Variants in PPM1L observed in about 807,000 individuals in gnomAD.
PPM1L encodes the protein protein phosphatase, Mg2+/Mn2+ dependent 1L.
Under a neutral mutation model 31.4 loss-of-function variants are expected in PPM1L, and 13 were observed. That is an observed-to-expected ratio of 0.41 (90% confidence interval 0.27 to 0.66). The LOEUF is 0.66. PPM1L is among the 30% of genes least tolerant of loss of function. The pLI is 0.29. For missense variants in PPM1L, 326 were observed against 453.7 expected, an observed-to-expected ratio of 0.72 and a Z score of 2.56; for synonymous variants, 184 against 175.4, an observed-to-expected ratio of 1.05 and a Z score of -0.39.
intron 2 of PPM1L, among the ~76,000 whole-genome samples, chr3:160,997,787 T>C (rs1490445837): frequency 6.6e-6 from 1 of 152,168 alleles, no homozygotes; most frequent in Non-Finnish European, 1.5e-5. Context: ...GCACATATAG[T>C]CTGCAGTTTT....
At chr3:160,885,450 A>G (rs1439219020) in intron 1 of PPM1L, among the ~76,000 whole-genome samples, 1 of 152,206 alleles carries the variant, frequency 6.6e-6, no homozygotes, top group Admixed American at 6.5e-5. Context: ...AACTACAAAC[A>G]GTGGTGATTG....
chr3:161,046,565 A>G (rs1388385921), intron 2 of PPM1L, among the ~76,000 whole-genome samples: 3 of 152,096 alleles, frequency 2.0e-5, no homozygotes, highest in South Asian at 2.1e-4. Flanking sequence ...TAGAAAAAGA[A>G]GGAATCCTCC....
At chr3:160,834,459 TTGTGTATGTGTA>T (rs1294367669) in intron 1 of PPM1L, among the ~76,000 whole-genome samples, 2 of 141,780 alleles carry the variant, frequency 1.4e-5, no homozygotes, top group Admixed American at 7.1e-5. Context: ...TTACATGCAT[TTGTGTATGTGTA>T]TGTGTGTGTG....
In PPM1L at chr3:161,062,592, G is replaced by A. The variant is rs189383255; in HGVS notation, c.575-2811G>A. 3.9e-5 allele frequency among the ~76,000 whole-genome samples: 6 copies of A among 152,222 alleles called. No individual in the cohort carries two copies. The East Asian group carries it at 9.6e-4, about 24-fold the overall frequency. On this transcript the variant is annotated intron_variant, in intron 2 of 3. Coordinates refer to ENST00000498165, the MANE Select transcript of PPM1L (RefSeq NM_139245.4). Reference sequence around the variant, plus strand: ...TCTTTTAAAATATGAATCTCATTGTGTCACTATCCTGCTTAAAACCCTTCA... The same window carrying A: ...TCTTTTAAAATATGAATCTCATTGTATCACTATCCTGCTTAAAACCCTTCA...
intron 1 of PPM1L, among the ~76,000 whole-genome samples, chr3:160,906,465 G>A (rs769093679): frequency 1.3e-5 from 2 of 152,176 alleles, no homozygotes; most frequent in African/African-American, 2.4e-5. Context: ...AGCTGGGTGT[G>A]ATGGCACATG....
intron 1 of PPM1L, among the ~76,000 whole-genome samples, chr3:160,788,281 T>C (rs1398987796): frequency 6.6e-6 from 1 of 152,180 alleles, no homozygotes; most frequent in African/African-American, 2.4e-5. Flanking sequence ...GTGTCATCTC[T>C]GATTTCTTTC....
At chr3:160,977,120 A>G (rs6798966) in intron 2 of PPM1L, among the ~76,000 whole-genome samples, 129,051 of 152,196 alleles carry the variant, frequency 0.85, 54,952 homozygotes, top group Middle Eastern at 0.92. Flanking sequence ...TCTGTGAAAG[A>G]CACTGTTTTT....
chr3:160,824,874 T>G (rs1713309866), intron 1 of PPM1L, among the ~76,000 whole-genome samples: 1 of 152,180 alleles, frequency 6.6e-6, no homozygotes, highest in Non-Finnish European at 1.5e-5. Flanking sequence ...ATTTTTATAC[T>G]CTCTTTCCTG....
intron 1 of PPM1L, among the ~76,000 whole-genome samples, chr3:160,898,513 AC>A (rs746324157): frequency 6.6e-5 from 10 of 152,200 alleles, no homozygotes; most frequent in Non-Finnish European, 1.5e-4. Context: ...AAGTTATCCA[AC>A]AAGATAACCT....
rs148245362 is a variant in PPM1L, at chr3:160,803,373, C to T, written c.399+46666C>T. Among the ~76,000 whole-genome samples, 88 of 152,026 alleles carry T rather than the reference C, an allele frequency of 5.8e-4. No homozygotes were observed. In the East Asian group the frequency reaches 0.012, roughly 21 times the overall value. ...AAGAAATGTCATATTTTAGAGAGATCACTGGTAATTTTTGCACAAATAATT... is the reference window on the plus strand; with the variant it reads ...AAGAAATGTCATATTTTAGAGAGATTACTGGTAATTTTTGCACAAATAATT... On this transcript the variant is annotated intron_variant, in intron 1 of 3. Coordinates refer to ENST00000498165, the MANE Select transcript of PPM1L (RefSeq NM_139245.4).
intron 1 of PPM1L, among the ~76,000 whole-genome samples, chr3:160,916,948 A>G (rs1291714135): frequency 6.6e-6 from 1 of 152,206 alleles, no homozygotes. Flanking sequence ...TTTAAACTAT[A>G]TAAACACTTG....
At chr3:160,918,061 T>G (rs9845943) in intron 1 of PPM1L, among the ~76,000 whole-genome samples, 40,064 of 152,096 alleles carry the variant, frequency 0.26, 5,570 homozygotes, top group East Asian at 0.51. Flanking sequence ...TCCTTCTCAC[T>G]CACAGGAGTC....
intron 1 of PPM1L, among the ~76,000 whole-genome samples, chr3:160,800,964 G>A (rs943051403): frequency 1.3e-5 from 2 of 152,110 alleles, no homozygotes; most frequent in Admixed American, 1.3e-4. Flanking sequence ...AAATAAGACT[G>A]CATAAAGTTT....
At chr3:160,869,125 G>A (rs764450680) in intron 1 of PPM1L, among the ~76,000 whole-genome samples, 23 of 152,144 alleles carry the variant, frequency 1.5e-4, no homozygotes, top group Non-Finnish European at 2.6e-4. Flanking sequence ...TCATCTGCAC[G>A]ATGATATTAA....
At chr3:160,917,025 G>A (rs1258020889) in intron 1 of PPM1L, among the ~76,000 whole-genome samples, 1 of 152,182 alleles carries the variant, frequency 6.6e-6, no homozygotes, top group Non-Finnish European at 1.5e-5. Context: ...GAAGAACACA[G>A]GCACTACTTT....
chr3:160,814,595 GTATGTATGTGTA>G (rs1560114801), intron 1 of PPM1L, among the ~76,000 whole-genome samples: 3 of 118,794 alleles, frequency 2.5e-5, no homozygotes, highest in Admixed American at 7.8e-5. Context: ...ACACACATAT[GTATGTATGTGTA>G]TATATATACA....
intron 1 of PPM1L, among the ~76,000 whole-genome samples, chr3:160,921,315 A>AT (rs1714395477): frequency 6.6e-6 from 1 of 152,158 alleles, no homozygotes; most frequent in South Asian, 2.1e-4. Flanking sequence ...GTGATATGAG[A>AT]TTTTTTTATG....
chr3:160,866,410 T>C (rs1712088147), intron 1 of PPM1L, among the ~76,000 whole-genome samples: 2 of 152,366 alleles, frequency 1.3e-5, no homozygotes, highest in South Asian at 2.1e-4. Flanking sequence ...AATTTCATTC[T>C]GCTTTGTTGC....
chr3:161,006,975 C>G (rs962281749), intron 2 of PPM1L, among the ~76,000 whole-genome samples: 9 of 152,232 alleles, frequency 5.9e-5, no homozygotes, highest in Non-Finnish European at 1.0e-4. Flanking sequence ...AGCCACCGCG[C>G]CCGGCCCCCT....
Sources: allele counts gnomAD v4.1 joint callset (sites outside exome capture counted in the v4.1 genomes callset), GRCh38; gene constraint gnomAD v4.1.1; transcripts MANE v1.5; gene names NCBI Gene and HGNC (gene_info 2026-07-23, HGNC 2026-07-21).